Variants in BEND6 observed in about 807,000 individuals in gnomAD.
BEND6 encodes the protein BEN domain containing 6, also known as BEN domain-containing protein 6.
Under a neutral mutation model 31.8 loss-of-function variants are expected in BEND6, and 24 were observed. The observed-to-expected ratio is 0.75, with a 90% CI of 0.55 to 1.06. The LOEUF is 1.06. Among genes scored for constraint, BEND6 ranks in the 50% least tolerant of loss-of-function variants. The probability of loss-of-function intolerance (pLI) is 0.00; values close to 1 mark genes in which losing one functional copy is unlikely to be tolerated. For missense variants in BEND6, 294 were observed against 327.4 expected, an observed-to-expected ratio of 0.90 and a Z score of 0.79; for synonymous variants, 109 against 114.6, an observed-to-expected ratio of 0.95 and a Z score of 0.31.
intron 4 of BEND6, among the ~76,000 whole-genome samples, chr6:57,016,219 A>G (rs547128917): frequency 6.6e-6 from 1 of 152,234 alleles, no homozygotes; most frequent in Non-Finnish European, 1.5e-5. Flanking sequence ...AGAATCAGGT[A>G]GCCTCAGTAA....
intron 6 of BEND6, among the ~76,000 whole-genome samples, chr6:57,022,164 C>A (rs200049899): frequency 1.8e-5 from 2 of 111,162 alleles, no homozygotes; most frequent in African/African-American, 6.3e-5. Context: ...TTTTCTTTTT[C>A]TTTTTTTTTT....
intron 2 of BEND6, among the ~76,000 whole-genome samples, chr6:56,984,006 C>T (rs1025364831): frequency 6.6e-6 from 1 of 152,038 alleles, no homozygotes; most frequent in Non-Finnish European, 1.5e-5. Context: ...ATCACTTGAG[C>T]CCAGGAGTTT....
intron 2 of BEND6, among the ~76,000 whole-genome samples, chr6:56,985,896 A>G (rs1826250214): frequency 6.6e-6 from 1 of 152,196 alleles, no homozygotes; most frequent in Non-Finnish European, 1.5e-5. Context: ...TTACAAATAT[A>G]TTCTCCCAAT....
intron 1 of BEND6, among the ~76,000 whole-genome samples, chr6:56,962,795 T>A (rs2127838308): frequency 6.6e-6 from 1 of 152,304 alleles, no homozygotes; most frequent in South Asian, 2.1e-4. Context: ...GGGAGTTGAT[T>A]GGTATGATCA....
chr6:56,988,800 G>A (rs1021206769), intron 2 of BEND6, among the ~76,000 whole-genome samples: 2 of 152,100 alleles, frequency 1.3e-5, no homozygotes, highest in African/African-American at 2.4e-5. Context: ...AGTCCGAGGT[G>A]GGCAGATGAC....
intron 1 of BEND6, among the ~76,000 whole-genome samples, chr6:56,968,412 C>T (rs1252479889): frequency 7.0e-6 from 1 of 143,168 alleles, no homozygotes; most frequent in African/African-American, 2.6e-5. Context: ...CCTCAAACTC[C>T]TGGGCTCTCG....
At chr6:56,958,882 G>C (rs1362321520) in intron 1 of BEND6, among the ~76,000 whole-genome samples, 1 of 152,156 alleles carries the variant, frequency 6.6e-6, no homozygotes, top group Non-Finnish European at 1.5e-5. Context: ...GGCAGGAGAG[G>C]CTAAAACCAG....
intron 2 of BEND6, among the ~76,000 whole-genome samples, chr6:56,988,653 T>A (rs973296467): frequency 1.8e-4 from 28 of 152,190 alleles, no homozygotes; most frequent in Non-Finnish European, 3.7e-4. Context: ...TAACTTCCTA[T>A]AGACTCCTCA....
intron 3 of BEND6, among the ~76,000 whole-genome samples, chr6:56,996,317 C>T (rs144074059): frequency 9.9e-4 from 151 of 152,108 alleles, no homozygotes; most frequent in African/African-American, 3.5e-3. Context: ...CATGGTGTTG[C>T]GTGCCTATGG....
chr6:56,962,332 A>T (rs1402547424), intron 1 of BEND6, among the ~76,000 whole-genome samples: 2 of 152,208 alleles, frequency 1.3e-5, no homozygotes, highest in African/African-American at 4.8e-5. Flanking sequence ...CTCCACCACC[A>T]TATTTCCAGG....
At chr6:56,996,685 T>C (rs911331270) in intron 3 of BEND6, among the ~76,000 whole-genome samples, 1 of 152,192 alleles carries the variant, frequency 6.6e-6, no homozygotes, top group Non-Finnish European at 1.5e-5. Flanking sequence ...GAAACTATGA[T>C]GTTATCTTCA....
In BEND6 at chr6:57,017,338, T is replaced by C. The variant is rs1489645045; in HGVS notation, c.651T>C (p.Ser217=). Residue 217 remains serine (S), a synonymous_variant, in exon 5 of 7, where the codon TCT becomes TCC. Transcript: ENST00000370746. The stretch of plus-strand genomic sequence containing the variant: ...ACAGCCTGACAGGGGCAAAATCCTC[T>C]ACTTCAAGGGACAAAGCTGTAAAAC... The part of the protein sequence containing the change: ...ATHSLTGAKS[S]TSRDKAVKPA... 2 of 1,445,458 alleles carry C rather than the reference T, an allele frequency of 1.4e-6. No homozygotes were observed. Among genetic ancestry groups the C allele is most frequent in the Non-Finnish European group, 1.8e-6 (2 of 1,094,824 alleles). 89.5% of individuals were successfully genotyped at this position (1,445,458 alleles called of 1,614,324 possible). A position where few individuals can be genotyped will look rare whatever the true frequency, so the allele number is the denominator to read the frequency against.
chr6:57,006,457 GT>G (rs1827161482), intron 3 of BEND6, among the ~76,000 whole-genome samples: 1 of 152,220 alleles, frequency 6.6e-6, no homozygotes, highest in Non-Finnish European at 1.5e-5. Flanking sequence ...CATGTAGTGA[GT>G]CCTGCAAGTC....
chr6:57,011,191 A>G (rs1265086041), intron 3 of BEND6, among the ~76,000 whole-genome samples: 1 of 152,204 alleles, frequency 6.6e-6, no homozygotes, highest in African/African-American at 2.4e-5. Flanking sequence ...AAAAAAATGG[A>G]GATTGTTGTT....
At chr6:56,966,188 ATCTTCCGGGTTCAGGCAAT>A (rs1389337819) in intron 1 of BEND6, among the ~76,000 whole-genome samples, 1 of 151,978 alleles carries the variant, frequency 6.6e-6, no homozygotes, top group South Asian at 2.1e-4. Context: ...TGCAACCTCC[ATCTTCCGGGTTCAGGCAAT>A]TCTCCTGCCT....
chr6:56,980,004 A>G (rs1179310051), intron 1 of BEND6, among the ~76,000 whole-genome samples: 1 of 152,238 alleles, frequency 6.6e-6, no homozygotes, highest in Non-Finnish European at 1.5e-5. Context: ...ATGGAGATGC[A>G]TCACAACTTA....
chr6:56,984,580 C>T (rs1398117153), intron 2 of BEND6, among the ~76,000 whole-genome samples: 2 of 152,162 alleles, frequency 1.3e-5, no homozygotes, highest in Admixed American at 6.5e-5. Context: ...TCTTGTAGGC[C>T]GGTATTGTGG....
intron 1 of BEND6, among the ~76,000 whole-genome samples, chr6:56,979,997 G>A (rs1425903132): frequency 6.6e-6 from 1 of 152,156 alleles, no homozygotes; most frequent in Non-Finnish European, 1.5e-5. Context: ...ATATAAAATG[G>A]AGATGCATCA....
chr6:56,975,320 A>G (rs1451518159), intron 1 of BEND6, among the ~76,000 whole-genome samples: 1 of 152,084 alleles, frequency 6.6e-6, no homozygotes, highest in Non-Finnish European at 1.5e-5. Context: ...TATGGAGTAT[A>G]TTTTCTTTAA....
Sources: gnomAD v4.1 joint callset for allele counts (sites outside exome capture counted in the v4.1 genomes callset) on GRCh38, gnomAD v4.1.1 for gene constraint, MANE v1.5 for transcripts, NCBI Gene and HGNC (gene_info 2026-07-23, HGNC 2026-07-21) for gene names.